Variants in CACHD1 observed in about 807,000 individuals in gnomAD.
The protein encoded by CACHD1 is cache domain containing 1.
CACHD1 carries 71 observed loss-of-function variants against 138.7 expected under a neutral mutation model. The observed-to-expected ratio is 0.51, with a 90% CI of 0.42 to 0.62. CACHD1 has a LOEUF of 0.62. CACHD1 is among the 20% of genes least tolerant of loss of function. The probability of loss-of-function intolerance (pLI) is 0.00; values close to 1 mark genes in which losing one functional copy is unlikely to be tolerated. For synonymous variants in CACHD1, 578 were observed against 591.5 expected, an observed-to-expected ratio of 0.98 and a Z score of 0.33; for missense variants, 1,389 against 1,625.3, an observed-to-expected ratio of 0.85 and a Z score of 2.50.
chr1:64,682,224 GT>G, intron 26 of CACHD1, 118 bp downstream of exon 26: 1 of 825,474 alleles, frequency 1.2e-6, no homozygotes, highest in Non-Finnish European at 2.0e-6. Flanking sequence ...CATGCCACTG[GT>G]TTATAAGAGC....
rs189003683 is a variant in CACHD1 at position 64,648,919 on chromosome 1, C to T, written c.1390+885C>T. On this transcript the variant is annotated intron_variant, in intron 9 of 26. Coordinates refer to ENST00000651257, the MANE Select transcript of CACHD1 (RefSeq NM_020925.4). Reference sequence around the variant, plus strand: ...TTTTTAGTAAAAGCACAATCTTTTTCTTTTCCTCCTCCATGTTCTTACTTT... The same window carrying T: ...TTTTTAGTAAAAGCACAATCTTTTTTTTTTCCTCCTCCATGTTCTTACTTT... 3.0e-3 allele frequency among the ~76,000 whole-genome samples: 459 copies of T among 152,248 alleles called. 1 individual carries two copies. Among genetic ancestry groups the T allele is most frequent in the Non-Finnish European group, 3.4e-3 (228 of 68,008 alleles).
In CACHD1 at chr1:64,579,125, C is replaced by CGTAAA. The variant is rs1222564512; in HGVS notation, c.262-3031_262-3030insGTAAA. Reference sequence around the variant, plus strand: ...ATCTGCCATTGTAAAATGAAAGCAGCCGTAAACAATATGTAAACAAATGAT... The same window carrying CGTAAA: ...ATCTGCCATTGTAAAATGAAAGCAGCGTAAACGTAAACAATATGTAAACAAATGAT... On this transcript the variant is annotated intron_variant, in intron 2 of 26. Coordinates refer to ENST00000651257, the MANE Select transcript of CACHD1 (RefSeq NM_020925.4). 1.4e-4 allele frequency among the ~76,000 whole-genome samples: 22 copies of CGTAAA among 152,218 alleles called. No individual in the cohort carries two copies. In the East Asian group the frequency reaches 4.0e-3, roughly 28 times the overall value.
Position 64,681,545 on chromosome 1 carries a change from T to TTTTTTTTTTG in CACHD1, c.3484+219_3484+220insGTTTTTTTTT, listed in dbSNP as rs1442219056. Among the ~76,000 whole-genome samples, 32 of 113,736 alleles carry TTTTTTTTTTG rather than the reference T, an allele frequency of 2.8e-4. 1 individual carries two copies. The highest frequency in any genetic ancestry group is 8.9e-4 in the African/African-American group (32 of 35,826). 74.6% of individuals were successfully genotyped at this position (113,736 alleles called of 152,430 possible). ...AATCTCAAAAGATTTTATTGTGTTT[T>TTTTTTTTTTG]TTTTTTTTTTTTTTTTTTTGCATTA... On this transcript the variant is annotated intron_variant, in intron 25 of 26. Transcript: ENST00000651257.
intron 26 of CACHD1, among the ~76,000 whole-genome samples, chr1:64,685,516 A>G (rs1164431575): frequency 6.6e-6 from 1 of 152,104 alleles, no homozygotes; most frequent in Non-Finnish European, 1.5e-5. Flanking sequence ...CTTAGGAGAT[A>G]GGGTAAAGCC....
At chr1:64,483,567 G>T (rs1388174249) in intron 1 of CACHD1, among the ~76,000 whole-genome samples, 2 of 151,780 alleles carry the variant, frequency 1.3e-5, no homozygotes, top group Non-Finnish European at 2.9e-5. Context: ...GGCTGGGCTG[G>T]GTGTGGTGGC....
chr1:64,542,630 T>A (rs887228074), intron 1 of CACHD1, among the ~76,000 whole-genome samples: 1 of 152,152 alleles, frequency 6.6e-6, no homozygotes, highest in African/African-American at 2.4e-5. Context: ...AGGAAAAATA[T>A]ATATTTTAGA....
At chr1:64,691,277 G>A in intron 26 of CACHD1, 46 bp from the exon 27 acceptor site, 1 of 1,566,322 alleles carries the variant, frequency 6.4e-7, no homozygotes, top group Non-Finnish European at 8.8e-7. Flanking sequence ...TCTTCTGTCT[G>A]CGTCTTGAAG....
chr1:64,649,617 G>A (rs1446879838), intron 9 of CACHD1, among the ~76,000 whole-genome samples: 1 of 152,170 alleles, frequency 6.6e-6, no homozygotes, highest in Non-Finnish European at 1.5e-5. Flanking sequence ...AATACTGTGT[G>A]AAAGGGACAA....
chr1:64,477,561 G>C (rs2100264267), intron 1 of CACHD1, among the ~76,000 whole-genome samples: 1 of 149,704 alleles, frequency 6.7e-6, no homozygotes, highest in East Asian at 1.9e-4. Context: ...CTCTACCTCT[G>C]CCTCCACTTG....
intron 4 of CACHD1, among the ~76,000 whole-genome samples, chr1:64,607,592 G>A (rs1647380914): frequency 1.3e-5 from 2 of 152,176 alleles, no homozygotes; most frequent in Non-Finnish European, 1.5e-5. Flanking sequence ...ATGTGCCAAA[G>A]GGAATAATCC....
chr1:64,530,144 G>A (rs557842824), intron 1 of CACHD1, among the ~76,000 whole-genome samples: 5 of 152,270 alleles, frequency 3.3e-5, no homozygotes, highest in Admixed American at 1.3e-4. Flanking sequence ...TATGTTTAGC[G>A]TTTTGCCCTA....
intron 1 of CACHD1, among the ~76,000 whole-genome samples, chr1:64,516,533 G>C (rs747129768): frequency 6.6e-6 from 1 of 152,104 alleles, no homozygotes; most frequent in African/African-American, 2.4e-5. Flanking sequence ...AGGCTGTCAC[G>C]TTGGAAAAAA....
At chr1:64,514,191 A>C (rs1646442411) in intron 1 of CACHD1, among the ~76,000 whole-genome samples, 1 of 152,242 alleles carries the variant, frequency 6.6e-6, no homozygotes, top group Non-Finnish European at 1.5e-5. Context: ...GAAACTGTGA[A>C]CATCCCCCAG....
intron 26 of CACHD1, among the ~76,000 whole-genome samples, chr1:64,685,211 C>T (rs1650327427): frequency 6.6e-6 from 1 of 152,072 alleles, no homozygotes; most frequent in Non-Finnish European, 1.5e-5. Context: ...GTATTGTGTA[C>T]AATTGTGTTT....
At chr1:64,616,811 T>C (rs1270976236) in intron 4 of CACHD1, among the ~76,000 whole-genome samples, 1 of 150,702 alleles carries the variant, frequency 6.6e-6, no homozygotes, top group Non-Finnish European at 1.5e-5. Context: ...CATCTAAGAG[T>C]GAAAGGAAGC....
At chr1:64,593,201 C>T (rs963927791) in intron 3 of CACHD1, among the ~76,000 whole-genome samples, 1 of 152,126 alleles carries the variant, frequency 6.6e-6, no homozygotes, top group Non-Finnish European at 1.5e-5. Context: ...ATTTTTACGC[C>T]TGTAACTATG....
chr1:64,673,264 G>A lies in CACHD1; in HGVS notation c.2610+7G>A, dbSNP rs1245880548. On this transcript the variant is annotated splice_region_variant and intron_variant, in intron 18 of 26. Transcript: ENST00000651257. ...GCAGCACATCACCCACAAGGTATTT[G>A]TCACAAAGCTGAGCTGCTCAGTTCT... 5 of 1,614,010 alleles carry A rather than the reference G, an allele frequency of 3.1e-6. No individual in the cohort carries two copies. The African/African-American group carries it at 6.7e-5, about 22-fold the overall frequency.
At chr1:64,650,917 C>T (rs1232333936) in intron 9 of CACHD1, among the ~76,000 whole-genome samples, 1 of 152,022 alleles carries the variant, frequency 6.6e-6, no homozygotes, top group Non-Finnish European at 1.5e-5. Context: ...CCGCCCCCAA[C>T]CCCAGCCATC....
rs534529909 is a variant in CACHD1, at chr1:64,604,903, G to A, written c.517+1991G>A. 5.3e-5 allele frequency among the ~76,000 whole-genome samples: 8 copies of A among 150,114 alleles called. No homozygotes were observed. The South Asian group carries it at 1.1e-3, about 20-fold the overall frequency. On this transcript the variant is annotated intron_variant, in intron 4 of 26. Transcript: ENST00000651257. ...CCTAACCTTGTGGTCTACCCGCCTC[G>A]GCCTTCCAAAGTACTGGGATTACAG...
Sources: allele counts gnomAD v4.1 joint callset (sites outside exome capture counted in the v4.1 genomes callset), GRCh38; gene constraint gnomAD v4.1.1; transcripts MANE v1.5; gene names NCBI Gene and HGNC (gene_info 2026-07-23, HGNC 2026-07-21).